ELP3: variants seen among roughly 807,000 people sequenced by gnomAD.
The protein encoded by ELP3 is elongator acetyltransferase complex subunit 3.
ELP3 carries 56 observed loss-of-function variants against 74.9 expected under a neutral mutation model. That is an observed-to-expected ratio of 0.75 (90% CI 0.60 to 0.93). The LOEUF (loss-of-function observed/expected upper bound fraction) is 0.93, where lower values mean the gene tolerates loss of function less well. ELP3 is among the 40% of genes least tolerant of loss of function. The pLI is 0.00. For missense variants in ELP3, 573 were observed against 686.5 expected (o/e 0.83, Z 1.85); for synonymous variants, 222 against 239.8 (o/e 0.93, Z 0.68).
At chr8:28,113,842 G>A (rs966112823) in intron 7 of ELP3, 2 of 152,126 alleles carry the variant, frequency 1.3e-5, no homozygotes, top group African/African-American at 4.8e-5. Context: ...CCTCTCAGAG[G>A]TCCCACCTGT....
At position 28,189,958 on chromosome 8, in the gene ELP3, C is replaced by G. The variant is rs1378111906; in HGVS notation, c.*233C>G. On this transcript the variant is annotated 3_prime_UTR_variant, in exon 15 of 15. Transcript: ENST00000256398. ...CAAAAAATCACTTGCGTTTTTGAGG[C>G]TTAAATCATCTATCCAGTTTCTACA... The G allele has an allele frequency of 2.0e-5, 9 of 448,964 alleles. No individual in the cohort carries two copies. Among genetic ancestry groups the G allele is most frequent in the African/African-American group, 1.4e-4 (7 of 50,442 alleles). The allele number at this position is 448,964 out of a possible 1,614,324, so 27.8% of individuals were successfully genotyped here. A position where few individuals can be genotyped will look rare whatever the true frequency, so the allele number is the denominator to read the frequency against.
At chr8:28,112,654 C>G (rs1811966844) in intron 6 of ELP3, 1 of 157,412 alleles carries the variant, frequency 6.4e-6, no homozygotes, top group Non-Finnish European at 1.4e-5. Flanking sequence ...AGGCTTACCA[C>G]CAAGTCTGAC....
At chr8:28,189,522 C>G in intron 14 of ELP3, 127 bp from the exon 15 acceptor site, 1 of 766,646 alleles carries the variant, frequency 1.3e-6, no homozygotes, top group Non-Finnish European at 2.2e-6. Context: ...ACTTATTAAG[C>G]TGAGATTTTA....
At chr8:28,129,105 T>C (rs772869381) in intron 7 of ELP3, among the ~76,000 whole-genome samples, 1 of 152,242 alleles carries the variant, frequency 6.6e-6, no homozygotes, top group African/African-American at 2.4e-5. Flanking sequence ...TTTTCACTTA[T>C]GTGAAAAATG....
At chr8:28,113,207 G>T in intron 7 of ELP3, 34 bp downstream of exon 7, 1 of 1,588,776 alleles carries the variant, frequency 6.3e-7, no homozygotes. Flanking sequence ...AGTCTCCAGA[G>T]TGGTTGTCAG....
Position 28,176,983 on chromosome 8 carries a change from T to TGTAA in ELP3, c.1568-12663_1568-12660dup, listed in dbSNP as rs544866156. On this transcript the variant is annotated intron_variant, in intron 14 of 14. Transcript: ENST00000256398. ...AGATAACCCACCAGCATCACCCAAC[T>TGTAA]GTAAGTTACCATGGTAGTATCTATT... 1.9e-4 allele frequency among the ~76,000 whole-genome samples: 29 copies of TGTAA among 152,362 alleles called. No individual in the cohort carries two copies. In the East Asian group the frequency reaches 5.4e-3, roughly 28 times the overall value.
chr8:28,098,458 C>T lies in ELP3; in HGVS notation c.119+1140C>T, dbSNP rs114616752. Among the ~76,000 whole-genome samples, 863 of 152,212 alleles carry T rather than the reference C, an allele frequency of 5.7e-3. 10 individuals are homozygous for T. Among genetic ancestry groups the T allele is most frequent in the African/African-American group, 0.019 (805 of 41,530 alleles). On this transcript the variant is annotated intron_variant, in intron 2 of 14. Coordinates refer to ENST00000256398, the MANE Select transcript of ELP3 (RefSeq NM_018091.6). ...TATTGTATTTTACTGATTTTTCTAC[C>T]GTGTCTTTAGAAGTTTTTCTTTCTT...
chr8:28,129,804 T>A, intron 8 of ELP3, 141 bp downstream of exon 8: 1 of 972,742 alleles, frequency 1.0e-6, no homozygotes, highest in Non-Finnish European at 1.5e-6. Flanking sequence ...TTCTTTCTTC[T>A]GTCTGTGTTC....
At chr8:28,149,833 C>G (rs1813573714) in intron 10 of ELP3, among the ~76,000 whole-genome samples, 1 of 152,006 alleles carries the variant, frequency 6.6e-6, no homozygotes, top group Admixed American at 6.5e-5. Flanking sequence ...CTTTTGCTGC[C>G]CTCGTTCTTT....
At chr8:28,134,262 T>C (rs915041892) in intron 9 of ELP3, among the ~76,000 whole-genome samples, 1 of 152,220 alleles carries the variant, frequency 6.6e-6, no homozygotes, top group Non-Finnish European at 1.5e-5. Flanking sequence ...TGTTTCATAC[T>C]GTAGGAAGCC....
chr8:28,114,972 G>A (rs138640832), intron 7 of ELP3, among the ~76,000 whole-genome samples: 68 of 152,220 alleles, frequency 4.5e-4, no homozygotes, highest in African/African-American at 1.5e-3. Flanking sequence ...AGATGGGGGC[G>A]GCAGCAGTGG....
intron 7 of ELP3, among the ~76,000 whole-genome samples, chr8:28,119,637 T>G (rs2130425004): frequency 8.2e-6 from 1 of 122,310 alleles, no homozygotes; most frequent in South Asian, 2.8e-4. Context: ...TATGAACACA[T>G]ATATTAAGTA....
intron 7 of ELP3, chr8:28,119,036 G>C (rs1774755943): frequency 6.6e-6 from 1 of 152,318 alleles, no homozygotes; most frequent in Non-Finnish European, 1.5e-5. Flanking sequence ...AACCTACAGA[G>C]ACCTGAGAGT....
intron 8 of ELP3, among the ~76,000 whole-genome samples, 196 bp downstream of exon 8, chr8:28,129,859 G>A (rs1304234809): frequency 6.6e-6 from 1 of 152,114 alleles, no homozygotes; most frequent in Non-Finnish European, 1.5e-5. Context: ...TTTCTCTAGT[G>A]GGTCTTTTCC....
intron 2 of ELP3, among the ~76,000 whole-genome samples, chr8:28,098,219 T>G (rs926800451): frequency 6.6e-6 from 1 of 152,010 alleles, no homozygotes; most frequent in African/African-American, 2.4e-5. Context: ...TTTTTCAAAC[T>G]ATAATATATA....
upstream of ELP3, among the ~76,000 whole-genome samples, chr8:28,092,533 C>T (rs747295061): frequency 2.0e-4 from 30 of 152,130 alleles, no homozygotes; most frequent in Non-Finnish European, 3.8e-4. Flanking sequence ...CCACTGCGCC[C>T]GGCCCTAAGC....
At chr8:28,160,070 G>T (rs1814007655) in intron 12 of ELP3, among the ~76,000 whole-genome samples, 159 bp from the exon 13 acceptor site, 1 of 152,074 alleles carries the variant, frequency 6.6e-6, no homozygotes, top group Non-Finnish European at 1.5e-5. Flanking sequence ...CTTTAATCTT[G>T]GTGCTATTTG....
chr8:28,165,074 C>T (rs1814255351), intron 14 of ELP3, among the ~76,000 whole-genome samples: 1 of 151,978 alleles, frequency 6.6e-6, no homozygotes, highest in East Asian at 1.9e-4. Context: ...GACGGGTGGC[C>T]AGGATTCCAT....
chr8:28,097,356 G>A (rs1435367951), intron 2 of ELP3, 38 bp downstream of exon 2: 4 of 1,370,380 alleles, frequency 2.9e-6, no homozygotes, highest in Non-Finnish European at 1.0e-6. Flanking sequence ...TTGTTCTTAG[G>A]TAGCAGATCT....
Sources: allele counts gnomAD v4.1 joint callset (sites outside exome capture counted in the v4.1 genomes callset), GRCh38; gene constraint gnomAD v4.1.1; transcripts MANE v1.5; gene names NCBI Gene and HGNC (gene_info 2026-07-23, HGNC 2026-07-21).